Variants in IGSF3 observed in about 807,000 individuals in gnomAD.
IGSF3 encodes immunoglobulin superfamily member 3, also known as glu-Trp-Ile EWI motif-containing protein 3.
A neutral mutation model predicts 114.4 loss-of-function variants in IGSF3; 23 were observed. The observed-to-expected ratio is 0.20, with a 90% confidence interval of 0.14 to 0.28. The LOEUF (loss-of-function observed/expected upper bound fraction) is 0.28, where lower values mean the gene tolerates loss of function less well. Ranked by LOEUF, IGSF3 falls within the 10% of genes least tolerant of loss-of-function variation. IGSF3 has a pLI of 1.00. For synonymous variants in IGSF3, 571 were observed against 645.2 expected, an observed-to-expected ratio of 0.88 and a Z score of 1.74; for missense variants, 1,172 against 1,591.5, an observed-to-expected ratio of 0.74 and a Z score of 4.48.
At chr1:116,617,652 C>G (rs974155011) in intron 2 of IGSF3, among the ~76,000 whole-genome samples, 3 of 152,180 alleles carry the variant, frequency 2.0e-5, no homozygotes, top group Non-Finnish European at 4.4e-5. Context: ...GTTTTCTCAT[C>G]AGTAAGATGG....
intron 2 of IGSF3, among the ~76,000 whole-genome samples, chr1:116,666,047 G>A (rs766541437): frequency 6.6e-6 from 1 of 152,274 alleles, no homozygotes; most frequent in Middle Eastern, 3.4e-3. Flanking sequence ...CAGGGGCCAA[G>A]ACAGACACTT....
rs749232318 is a variant in IGSF3 at position 116,603,610 on chromosome 1, C to A, written c.1624+14G>T. ...TCCATGCCAGACCCACTGCCAGTCC[C>A]ACCGCTCACTCACCAAGAGCTGTGA... On this transcript the variant is annotated intron_variant, in intron 6 of 10. Coordinates refer to ENST00000369486, the MANE Select transcript of IGSF3 (RefSeq NM_001007237.3). The surrounding 1 kb of genome is among the most constrained non-coding windows in gnomAD (Gnocchi z 7.1). 6.2e-6 allele frequency: 10 copies of A among 1,608,702 alleles called. No individual in the cohort carries two copies.
At chr1:116,667,439 T>A (rs1183594561) in intron 1 of IGSF3, among the ~76,000 whole-genome samples, 179 bp downstream of exon 1, 1 of 152,038 alleles carries the variant, frequency 6.6e-6, no homozygotes, top group South Asian at 2.1e-4. Flanking sequence ...CGCTTTCAGC[T>A]GCCGGAGCGC....
In IGSF3 at chr1:116,577,265, A is replaced by T; in HGVS notation, c.*47T>A. ...CAACTGTCCAATCACAGAGAAAGGG[A>T]GAGCCTCAGCTCCTCCGTGGCCAAC... On this transcript the variant is annotated 3_prime_UTR_variant, in exon 11 of 11. Coordinates refer to ENST00000369486, the MANE Select transcript of IGSF3 (RefSeq NM_001007237.3). This position sits in a 1 kb window ranked among gnomAD's most constrained non-coding sequence, Gnocchi z 5.7. The T allele has an allele frequency of 1.2e-6, 2 of 1,601,082 alleles. No individual in the cohort carries two copies. Among genetic ancestry groups the T allele is most frequent in the Non-Finnish European group, 1.7e-6 (2 of 1,172,480 alleles).
rs1168172318 is a variant in IGSF3 at position 116,584,953 on chromosome 1, G to A, written c.2540C>T (p.Thr847Ile). 10 of 1,611,658 alleles carry A rather than the reference G, an allele frequency of 6.2e-6. No homozygotes were observed. In the African/African-American group the frequency reaches 9.3e-5, roughly 15 times the overall value. ...AAACCATTCCACCATGAGCTGGGAG[G>A]TTATGCTGGTGCGGTTGAGAACCAC... Reference protein sequence around the residue: ...ECVVLNRTSITSQLMVEWFVW... With the variant: ...ECVVLNRTSIISQLMVEWFVW... Residue 847 changes from threonine (T) to isoleucine (I), a missense_variant, in exon 9 of 11, where the codon ACC becomes ATC. Thr to Ile is a moderately conservative substitution (Grantham distance 89). Around this residue, in one of 3 missense-constraint regions of IGSF3, gnomAD observed 423 missense variants for 509.8 expected, o/e 0.83. Transcript: ENST00000369486. This position sits in a 1 kb window ranked among gnomAD's most constrained non-coding sequence, Gnocchi z 5.8.
At chr1:116,586,660 G>A (rs1455018879) in intron 8 of IGSF3, among the ~76,000 whole-genome samples, 3 of 152,118 alleles carry the variant, frequency 2.0e-5, no homozygotes, top group African/African-American at 7.2e-5. Context: ...CTCAGAGAGG[G>A]AAATCCCCTC....
intron 6 of IGSF3, among the ~76,000 whole-genome samples, chr1:116,601,247 C>T (rs948977390): frequency 3.9e-5 from 6 of 152,128 alleles, no homozygotes; most frequent in Admixed American, 3.9e-4. Context: ...ATAAATTGCC[C>T]AATATCAAGC....
rs1661535998 is a variant in IGSF3 at position 116,625,203 on chromosome 1, T to A, written c.44-8746A>T. Among the ~76,000 whole-genome samples the A allele has an allele frequency of 6.6e-6, 1 of 152,262 alleles. No homozygotes were observed. Among genetic ancestry groups the A allele is most frequent in the African/African-American group, 2.4e-5 (1 of 41,462 alleles). On this transcript the variant is annotated intron_variant, in intron 2 of 10. Coordinates refer to ENST00000369486, the MANE Select transcript of IGSF3 (RefSeq NM_001007237.3). The surrounding 1 kb of genome is among the most constrained non-coding windows in gnomAD (Gnocchi z 4.7). ...TGAGGGAGAGATTGATAAGACATAG[T>A]TGACAAGTTGTCCTAAGCTGACAAT...
At position 116,615,312 on chromosome 1, in the gene IGSF3, A is replaced by C. The variant is rs540301978; in HGVS notation, c.421+768T>G. Among the ~76,000 whole-genome samples, 20 of 152,030 alleles carry C rather than the reference A, an allele frequency of 1.3e-4. No homozygotes were observed. The highest frequency in any genetic ancestry group is 4.8e-4 in the African/African-American group (20 of 41,468). ...ACACACACACACACACACACGAAAA[A>C]AAAAAGGTCTCCTGCTGGGACACAG... On this transcript the variant is annotated intron_variant, in intron 3 of 10. Coordinates refer to ENST00000369486, the MANE Select transcript of IGSF3 (RefSeq NM_001007237.3). This position sits in a 1 kb window ranked among gnomAD's most constrained non-coding sequence, Gnocchi z 4.3.
intron 4 of IGSF3, among the ~76,000 whole-genome samples, chr1:116,609,287 C>G (rs1660920906): frequency 6.6e-6 from 1 of 151,990 alleles, no homozygotes; most frequent in Admixed American, 6.5e-5. Context: ...CGTTCTGTTG[C>G]CCAGGCTGGA....
Position 116,650,379 on chromosome 1 carries a change from C to G in IGSF3, c.43+15905G>C, listed in dbSNP as rs952166883. ...GAGAATCTAGTGAAAGAAGCTGTCC[C>G]TTCTGCATTTCCTTTTACAATGAAA... On this transcript the variant is annotated intron_variant, in intron 2 of 10. Transcript: ENST00000369486. The surrounding 1 kb of genome is among the most constrained non-coding windows in gnomAD (Gnocchi z 5.0). 1.3e-5 allele frequency among the ~76,000 whole-genome samples: 2 copies of G among 152,204 alleles called. No individual in the cohort carries two copies. The highest frequency in any genetic ancestry group is 4.8e-5 in the African/African-American group (2 of 41,442).
rs1647660981 is a variant in IGSF3, at chr1:116,632,971, T to C, written c.44-16514A>G. 6.6e-6 allele frequency among the ~76,000 whole-genome samples: 1 copy of C among 152,232 alleles called. No homozygotes were observed. On this transcript the variant is annotated intron_variant, in intron 2 of 10. Coordinates refer to ENST00000369486, the MANE Select transcript of IGSF3 (RefSeq NM_001007237.3). This position sits in a 1 kb window ranked among gnomAD's most constrained non-coding sequence, Gnocchi z 5.1. ...GTGGAGAGTTTCTTCACTGCAGCTA[T>C]CCTGCCAGGCTCATTGTAAAGTGAC...
Position 116,579,802 on chromosome 1 carries a change from C to A in IGSF3, c.2924G>T (p.Ser975Ile). The change falls in exon 10 of 11, where the codon AGC becomes ATC. Residue 975 changes from serine (S) to isoleucine (I), a missense_variant. Physicochemically the swap from Ser to Ile is moderately radical, Grantham distance 142. This residue lies in a region of IGSF3 where 423 missense variants were observed against 509.8 expected (regional missense o/e 0.83). Coordinates refer to ENST00000369486, the MANE Select transcript of IGSF3 (RefSeq NM_001007237.3). This position sits in a 1 kb window ranked among gnomAD's most constrained non-coding sequence, Gnocchi z 6.4. ...GTCCTGGCTGGAGCGGGACACGATG[C>A]TACAGTCCAGCTGGAAAGCTGCCTT... ...SEKAAFQLDC[S>I]IVSRSSQDSR... is the part of the protein sequence containing the mutation. 6.2e-7 allele frequency: 1 copy of A among 1,614,016 alleles called. No homozygotes were observed. Among genetic ancestry groups the A allele is most frequent in the Non-Finnish European group, 8.5e-7 (1 of 1,180,020 alleles).
At chr1:116,663,308 C>A (rs1209361932) in intron 2 of IGSF3, among the ~76,000 whole-genome samples, 2 of 152,268 alleles carry the variant, frequency 1.3e-5, no homozygotes, top group East Asian at 3.9e-4. Flanking sequence ...GTCACTCATG[C>A]AGGCTGCTCC....
chr1:116,667,578 G>A (rs994799956), intron 1 of IGSF3, 40 bp downstream of exon 1: 2 of 149,300 alleles, frequency 1.3e-5, no homozygotes, highest in South Asian at 2.0e-4. Flanking sequence ...CCTCCCCGGG[G>A]CCCCCTCCGG....
At chr1:116,608,403 A>G (rs1571151530) in intron 4 of IGSF3, 72 bp from the exon 5 acceptor site, 11 of 1,004,994 alleles carry the variant, frequency 1.1e-5, no homozygotes, top group Admixed American at 2.3e-5. Flanking sequence ...CCACATTAGC[A>G]CATTCCCACT....
chr1:116,595,798 T>C lies in IGSF3; in HGVS notation c.2029+4143A>G, dbSNP rs1660319594. Among the ~76,000 whole-genome samples the C allele has an allele frequency of 6.6e-6, 1 of 152,232 alleles. No individual in the cohort carries two copies. Among genetic ancestry groups the C allele is most frequent in the Admixed American group, 6.5e-5 (1 of 15,288 alleles). On this transcript the variant is annotated intron_variant, in intron 7 of 10. Transcript: ENST00000369486. This position sits in a 1 kb window ranked among gnomAD's most constrained non-coding sequence, Gnocchi z 4.2. ...TAAGGATATGTAATTGGAGGGTGTT[T>C]TGAGCTAAAGAAAATCAGAAGGAAG... is the stretch of plus-strand genomic sequence containing the variant.
At chr1:116,617,229 C>T (rs1033147891) in intron 2 of IGSF3, 1 of 931,496 alleles carries the variant, frequency 1.1e-6, no homozygotes, top group Non-Finnish European at 1.3e-6. Flanking sequence ...CCCCGCTGAC[C>T]TCCTGCCTTC....
At chr1:116,643,560 A>G (rs566937430) in intron 2 of IGSF3, among the ~76,000 whole-genome samples, 1 of 152,372 alleles carries the variant, frequency 6.6e-6, no homozygotes, top group East Asian at 1.9e-4. Context: ...GCCTGTGGCC[A>G]GCCTGTCCCA....
Sources: allele counts gnomAD v4.1 joint callset (sites outside exome capture counted in the v4.1 genomes callset), GRCh38; gene constraint gnomAD v4.1.1; regional missense constraint gnomAD v4.1.1; non-coding constraint Gnocchi (gnomAD v3.1); transcripts MANE v1.5; gene names NCBI Gene and HGNC (gene_info 2026-07-23, HGNC 2026-07-21).